Variants in ITGB4 observed in about 807,000 individuals in gnomAD.
The protein encoded by ITGB4 is integrin beta-4.
ITGB4 carries 159 observed loss-of-function variants against 207.6 expected under a neutral mutation model. That is an observed-to-expected ratio of 0.77 (90% CI 0.67 to 0.87). ITGB4 has a LOEUF of 0.87. Among genes scored for constraint, ITGB4 ranks in the 40% least tolerant of loss-of-function variants. The probability of loss-of-function intolerance (pLI) is 0.00; values close to 1 mark genes in which losing one functional copy is unlikely to be tolerated. For synonymous variants in ITGB4, 1,020 were observed against 1,062.7 expected (o/e 0.96, Z 0.78); for missense variants, 2,278 against 2,546.8 (o/e 0.89, Z 2.27).
chr17:75,723,609 T>C (rs2060659636), intron 1 of ITGB4, among the ~76,000 whole-genome samples: 1 of 152,254 alleles, frequency 6.6e-6, no homozygotes, highest in Admixed American at 6.5e-5. Context: ...TCCTCCAGGC[T>C]GCACGCCTTA....
Position 75,736,583 on chromosome 17 carries a change from G to A in ITGB4, c.1879G>A (p.Glu627Lys), listed in dbSNP as rs748092663. 9 of 1,601,224 alleles carry A rather than the reference G, an allele frequency of 5.6e-6. No homozygotes were observed. In the African/African-American group the frequency reaches 6.7e-5, roughly 12 times the overall value. Residue 627 changes from glutamate to lysine, a missense_variant, in exon 16 of 40, where the codon GAG becomes AAG. Physicochemically the swap from Glu to Lys is moderately conservative, Grantham distance 56. Coordinates refer to ENST00000200181, the MANE Select transcript of ITGB4 (RefSeq NM_000213.5). ...CGCCAAGATCCACCCGGGCCTCTGC[G>A]AGGACCTACGCTCCTGCGTGCAGTG... ...NYSAIHPGLC[E>K]DLRSCVQCQA...
chr17:75,730,640 T>C lies in ITGB4; in HGVS notation c.1002+136T>C, dbSNP rs1203508738. 10 of 1,072,490 alleles carry C rather than the reference T, an allele frequency of 9.3e-6. No individual in the cohort carries two copies. The East Asian group carries it at 2.3e-4, about 24-fold the overall frequency. The allele number at this position is 1,072,490 out of a possible 1,614,324, so 66.4% of individuals were successfully genotyped here. On this transcript the variant is annotated intron_variant, in intron 8 of 39. Coordinates refer to ENST00000200181, the MANE Select transcript of ITGB4 (RefSeq NM_000213.5). Reference sequence around the variant, plus strand: ...TCCCTCCCTCTTTTCCTCCCTTTCCTTCCTCCCTTCCCAAAGCCTTTAGAC... The same window carrying C: ...TCCCTCCCTCTTTTCCTCCCTTTCCCTCCTCCCTTCCCAAAGCCTTTAGAC...
Position 75,752,339 on chromosome 17 carries a change from C to T in ITGB4, c.3959C>T (p.Pro1320Leu). The T allele has an allele frequency of 6.2e-7, 1 of 1,612,666 alleles. No homozygotes were observed. Among genetic ancestry groups the T allele is most frequent in the Non-Finnish European group, 8.5e-7 (1 of 1,179,754 alleles). Residue 1320 changes from proline (P) to leucine (L), a missense_variant, in exon 31 of 40, where the codon CCC becomes CTC. Transcript: ENST00000200181. The part of the protein sequence containing the change: ...REAIINLATQ[P>L]KRPMSIPIIP... ...GCCATCATCAACCTGGCCACCCAGCCCAAGAGGCCCATGTCCAGTGAGTGG... is the reference window on the plus strand; with the variant it reads ...GCCATCATCAACCTGGCCACCCAGCTCAAGAGGCCCATGTCCAGTGAGTGG...
At chr17:75,738,421 G>A (rs945084819) in intron 18 of ITGB4, among the ~76,000 whole-genome samples, 2 of 152,252 alleles carry the variant, frequency 1.3e-5, no homozygotes, top group African/African-American at 4.8e-5. Context: ...CATGAGGTCA[G>A]TGGGGCAAGG....
Position 75,737,520 on chromosome 17 carries a change from C to T in ITGB4, c.2114-18C>T. On this transcript the variant is annotated intron_variant, in intron 17 of 39. Transcript: ENST00000200181. ...TGGGGAGGACAGGCACCACCTCCCC[C>T]TGCCTCCTCCTCTCCAGACTGCCCT... is the stretch of plus-strand genomic sequence containing the variant. 6.4e-7 allele frequency: 1 copy of T among 1,559,760 alleles called. No homozygotes were observed. Among genetic ancestry groups the T allele is most frequent in the South Asian group, 1.2e-5 (1 of 85,010 alleles).
intron 15 of ITGB4, 73 bp from the exon 16 acceptor site, chr17:75,736,492 A>G: frequency 6.2e-7 from 1 of 1,602,484 alleles, no homozygotes; most frequent in Non-Finnish European, 8.5e-7. Flanking sequence ...CAAGGGCAAG[A>G]GGTTTGGGGA....
Position 75,750,206 on chromosome 17 carries a change from G to A in ITGB4, c.3412G>A (p.Ala1138Thr), listed in dbSNP as rs143287482. The A allele has an allele frequency of 4.0e-5, 64 of 1,613,712 alleles. No homozygotes were observed. Among genetic ancestry groups the A allele is most frequent in the Non-Finnish European group, 5.1e-5 (60 of 1,180,024 alleles). ...CCCGCAGAACCCCAATGCTAAGGCCGCTGGGTCCAGGAAGATCCATTTCAA... is the reference window on the plus strand; with the variant it reads ...CCCGCAGAACCCCAATGCTAAGGCCACTGGGTCCAGGAAGATCCATTTCAA... Reference protein sequence around the residue: ...GAPQNPNAKAAGSRKIHFNWL... With the variant: ...GAPQNPNAKATGSRKIHFNWL... The change falls in exon 28 of 40, where the codon GCT becomes ACT. Residue 1138 changes from alanine (A) to threonine (T), a missense_variant. Physicochemically the swap from Ala to Thr is moderately conservative, Grantham distance 58. Coordinates refer to ENST00000200181, the MANE Select transcript of ITGB4 (RefSeq NM_000213.5). The surrounding 1 kb of genome is among the most constrained non-coding windows in gnomAD (Gnocchi z 5.5).
intron 6 of ITGB4, among the ~76,000 whole-genome samples, chr17:75,728,711 G>A (rs965375690): frequency 7.9e-5 from 12 of 152,202 alleles, no homozygotes; most frequent in African/African-American, 2.2e-4. Flanking sequence ...TTGGCTGGGC[G>A]CGGTGGTTCA....
At position 75,750,104 on chromosome 17, in the gene ITGB4, C is replaced by G; in HGVS notation, c.3317-7C>G. 1 of 1,613,566 alleles carries G rather than the reference C, an allele frequency of 6.2e-7. No individual in the cohort carries two copies. The highest frequency in any genetic ancestry group is 1.1e-5 in the South Asian group (1 of 91,078). ...AGTGGTTGCCCGGCCCCAACCTGAC[C>G]CGTTAGATGAACTGGACCGGAGCTT... On this transcript the variant is annotated splice_polypyrimidine_tract_variant and splice_region_variant and intron_variant, in intron 27 of 39. Transcript: ENST00000200181. The surrounding 1 kb of genome is among the most constrained non-coding windows in gnomAD (Gnocchi z 5.5).
In ITGB4 at chr17:75,742,436, C is replaced by A. The variant is rs1325311712; in HGVS notation, c.2729C>A (p.Ala910Asp). Reference protein sequence around the residue: ...KLTEKQVEQRAFHDLKVAPGY... With the variant: ...KLTEKQVEQRDFHDLKVAPGY... ...ACAGAGAAGCAGGTGGAACAGAGGG[C>A]CTTCCACGACCTCAAGGTGGCCCCC... The change falls in exon 24 of 40, where the codon GCC (alanine) becomes GAC (aspartate). Residue 910 changes from alanine to aspartate, a missense_variant. Physicochemically the swap from Ala to Asp is moderately radical, Grantham distance 126 (BLOSUM62 -2). Transcript: ENST00000200181. The surrounding 1 kb of genome is among the most constrained non-coding windows in gnomAD (Gnocchi z 5.9). 2 of 1,613,112 alleles carry A rather than the reference C, an allele frequency of 1.2e-6. No individual in the cohort carries two copies. The highest frequency in any genetic ancestry group is 1.3e-5 in the African/African-American group (1 of 74,936).
In ITGB4 at chr17:75,754,798, C is replaced by T. The variant is rs746272889; in HGVS notation, c.4541C>T (p.Thr1514Ile). 6 of 1,614,114 alleles carry T rather than the reference C, an allele frequency of 3.7e-6. No individual in the cohort carries two copies. In the Admixed American group the frequency reaches 8.3e-5, roughly 22 times the overall value. The change falls in exon 34 of 40, where the codon ACC becomes ATC. Residue 1514 changes from threonine to isoleucine, a missense_variant. Coordinates refer to ENST00000200181, the MANE Select transcript of ITGB4 (RefSeq NM_000213.5). ...TTLPRDYSTL[T>I]SVSSHDSRLT... ...CTGCCCAGGGACTACTCCACCCTCACCTCCGTCTCCTCCCACGGTGAGTGA... is the reference window on the plus strand; with the variant it reads ...CTGCCCAGGGACTACTCCACCCTCATCTCCGTCTCCTCCCACGGTGAGTGA...
intron 15 of ITGB4, 32 bp from the exon 16 acceptor site, chr17:75,736,533 A>G: frequency 1.3e-6 from 2 of 1,588,554 alleles, no homozygotes; most frequent in Non-Finnish European, 1.7e-6. Flanking sequence ...CACCCAACAC[A>G]GTGCCTGTCT....
At position 75,756,768 on chromosome 17, in the gene ITGB4, A is replaced by C. The variant is rs770892854; in HGVS notation, c.4962A>C (p.Pro1654=). 1 of 1,612,838 alleles carries C rather than the reference A, an allele frequency of 6.2e-7. No homozygotes were observed. The highest frequency in any genetic ancestry group is 1.3e-5 in the African/African-American group (1 of 74,920). ...PGPLVFTALS[P]DSLQLSWERP... is the part of the protein sequence containing the mutation. The stretch of plus-strand genomic sequence containing the variant: ...CGCTGGTGTTCACTGCCCTGAGCCC[A>C]GACTCGCTGCAGCTGAGCTGGGAGC... Residue 1654 remains proline, a synonymous_variant, in exon 37 of 40, where the codon CCA becomes CCC. Transcript: ENST00000200181.
intron 27 of ITGB4, among the ~76,000 whole-genome samples, chr17:75,749,712 A>T (rs2061322447): frequency 6.6e-6 from 1 of 152,190 alleles, no homozygotes; most frequent in African/African-American, 2.4e-5. Context: ...GGAAGGAAGG[A>T]GTGGGCCAGT....
Position 75,756,469 on chromosome 17 carries a change from C to G in ITGB4, c.4749C>G (p.Thr1583=). The part of the protein sequence containing the change: ...HRLNIPNPAQ[T]SVVVEDLLPN... The stretch of plus-strand genomic sequence containing the variant: ...TCAACATCCCCAACCCTGCCCAGAC[C>G]TCGGTGGTGGTGGAAGACCTCCTGC... Residue 1583 remains threonine (T), a synonymous_variant, in exon 36 of 40, where the codon ACC becomes ACG. Transcript: ENST00000200181. The G allele has an allele frequency of 6.2e-7, 1 of 1,613,372 alleles. No individual in the cohort carries two copies. Among genetic ancestry groups the G allele is most frequent in the Non-Finnish European group, 8.5e-7 (1 of 1,180,018 alleles).
chr17:75,733,086 G>GA lies in ITGB4; in HGVS notation c.1455-396dup, dbSNP rs985304588. 7.6e-4 allele frequency among the ~76,000 whole-genome samples: 105 copies of GA among 138,748 alleles called. 1 individual carries two copies. The highest frequency in any genetic ancestry group is 2.3e-3 in the African/African-American group (85 of 36,786). 91.0% of individuals were successfully genotyped at this position (138,748 alleles called of 152,430 possible). On this transcript the variant is annotated intron_variant, in intron 12 of 39. Coordinates refer to ENST00000200181, the MANE Select transcript of ITGB4 (RefSeq NM_000213.5). ...GGCAAGAAGAGCGAAACTCTGTCTT[G>GA]AAAAAAAATAAAATAAAATAGGCCA...
At chr17:75,725,122 C>G (rs914623553) in intron 2 of ITGB4, among the ~76,000 whole-genome samples, 1 of 152,222 alleles carries the variant, frequency 6.6e-6, no homozygotes, top group South Asian at 2.1e-4. Context: ...GCACTGCTGA[C>G]GTGTCACTTG....
rs373517123 is a variant in ITGB4, at chr17:75,742,694, C to T, written c.2895C>T (p.Ile965=). Residue 965 remains isoleucine (I), a synonymous_variant, in exon 25 of 40, where the codon ATC becomes ATT. Coordinates refer to ENST00000200181, the MANE Select transcript of ITGB4 (RefSeq NM_000213.5). The surrounding 1 kb of genome is among the most constrained non-coding windows in gnomAD (Gnocchi z 5.9). ...DDEKQLLVEA[I]DVPAGTATLG... ...AGAAGCAGCTGCTGGTGGAGGCCAT[C>T]GACGTGCCCGCAGGCACTGCCACCC... 8.7e-6 allele frequency: 14 copies of T among 1,613,688 alleles called. No homozygotes were observed. The highest frequency in any genetic ancestry group is 6.7e-5 in the African/African-American group (5 of 74,908).
At chr17:75,737,905 A>C (rs368799049) in intron 18 of ITGB4, among the ~76,000 whole-genome samples, 1 of 138,738 alleles carries the variant, frequency 7.2e-6, no homozygotes, top group Non-Finnish European at 1.5e-5. Context: ...CAGGGTCTCC[A>C]CCCTCCATCA....
Sources: allele counts gnomAD v4.1 joint callset (sites outside exome capture counted in the v4.1 genomes callset), GRCh38; gene constraint gnomAD v4.1.1; non-coding constraint Gnocchi (gnomAD v3.1); transcripts MANE v1.5; gene names NCBI Gene and HGNC (gene_info 2026-07-23, HGNC 2026-07-21).